Variants in TEX9 observed in about 807,000 individuals in gnomAD.
TEX9 encodes the protein testis-expressed protein 9.
A neutral mutation model predicts 59.6 loss-of-function variants in TEX9; 74 were observed. The ratio of observed to expected loss-of-function variants is 1.24; its 90% CI spans 1.03 to 1.51. TEX9 has a LOEUF of 1.51. TEX9 is among the 40% of genes most tolerant of loss of function. The probability of loss-of-function intolerance (pLI) is 0.00; values close to 1 mark genes in which losing one functional copy is unlikely to be tolerated. For synonymous variants in TEX9, 186 were observed against 152.2 expected (o/e 1.22, Z -1.64); for missense variants, 522 against 447.8 (o/e 1.17, Z -1.49).
chr15:56,265,364 G>A (rs1334208814), intron 1 of TEX9, among the ~76,000 whole-genome samples: 1 of 151,330 alleles, frequency 6.6e-6, no homozygotes, highest in Non-Finnish European at 1.5e-5. Flanking sequence ...GTAGAGACAG[G>A]GTCTCCTCCT....
chr15:56,264,936 A>T (rs1313542174), intron 1 of TEX9, among the ~76,000 whole-genome samples: 1 of 152,086 alleles, frequency 6.6e-6, no homozygotes, highest in Non-Finnish European at 1.5e-5. Flanking sequence ...CTGTATTTGG[A>T]CTGTTTGGTT....
intron 1 of TEX9, among the ~76,000 whole-genome samples, chr15:56,251,448 G>C (rs1317919573): frequency 6.6e-6 from 1 of 152,158 alleles, no homozygotes; most frequent in Non-Finnish European, 1.5e-5. Context: ...CGGCTAGACA[G>C]TGGCTTATGA....
chr15:56,333,086 A>G (rs1380362331), intron 1 of TEX9, among the ~76,000 whole-genome samples: 26 of 152,194 alleles, frequency 1.7e-4, no homozygotes, highest in African/African-American at 6.0e-4. Flanking sequence ...AATTCCACCA[A>G]ACATTTAAAG....
intron 2 of TEX9, among the ~76,000 whole-genome samples, chr15:56,366,652 T>A (rs556408378): frequency 4.1e-4 from 63 of 152,374 alleles, no homozygotes; most frequent in African/African-American, 1.5e-3. Flanking sequence ...TTTGCCATCA[T>A]ACATACCCTT....
chr15:56,390,828 T>C (rs2048173712), intron 6 of TEX9, among the ~76,000 whole-genome samples: 2 of 152,058 alleles, frequency 1.3e-5, no homozygotes, highest in Non-Finnish European at 1.5e-5. Flanking sequence ...ACAGTTTTTC[T>C]CTAGAAGCGT....
chr15:56,423,949 T>TA (rs1388294874), intron 10 of TEX9, among the ~76,000 whole-genome samples: 81 of 152,226 alleles, frequency 5.3e-4, no homozygotes, highest in African/African-American at 1.8e-3. Context: ...GAGTCCATTA[T>TA]ATCCTTCTTA....
intron 12 of TEX9, chr15:56,443,429 CT>C: frequency 6.4e-7 from 1 of 1,558,268 alleles, no homozygotes; most frequent in Non-Finnish European, 8.6e-7. Context: ...CTGAAACTTA[CT>C]TTTAGCTTGC....
chr15:56,334,312 C>T (rs1305644168), intron 1 of TEX9, among the ~76,000 whole-genome samples: 1 of 152,068 alleles, frequency 6.6e-6, no homozygotes, highest in Admixed American at 6.6e-5. Flanking sequence ...AAGACAGACA[C>T]ATAGACCAGT....
intron 1 of TEX9, among the ~76,000 whole-genome samples, chr15:56,259,593 A>G (rs1280261218): frequency 2.6e-5 from 4 of 152,092 alleles, no homozygotes; most frequent in South Asian, 2.1e-4. Context: ...CCCTTTTGGT[A>G]TACGTATCTA....
intron 1 of TEX9, among the ~76,000 whole-genome samples, chr15:56,247,475 G>A (rs1162247423): frequency 6.6e-6 from 1 of 152,190 alleles, no homozygotes; most frequent in Non-Finnish European, 1.5e-5. Context: ...AGTAGGCAGA[G>A]CAACAGAGGG....
chr15:56,260,695 T>C lies in TEX9; in HGVS notation c.-107+16417T>C, dbSNP rs1340703383. Among the ~76,000 whole-genome samples the C allele has an allele frequency of 2.0e-5, 3 of 152,034 alleles. No homozygotes were observed. The East Asian group carries it at 5.8e-4, about 29-fold the overall frequency. ...CCCTATGTTCGTAAGAATTATTAGC[T>C]TGTAACTTTCTTGTATTATAATATC... is the stretch of plus-strand genomic sequence containing the variant. On this transcript the variant is annotated intron_variant, in intron 1 of 5. Coordinates refer to the TEX9 transcript ENST00000560827.
chr15:56,271,085 A>G (rs1394850968), intron 1 of TEX9, among the ~76,000 whole-genome samples: 2 of 151,616 alleles, frequency 1.3e-5, no homozygotes, highest in South Asian at 4.2e-4. Flanking sequence ...CTTCATTTCA[A>G]CCTTGGTGAA....
intron 12 of TEX9, among the ~76,000 whole-genome samples, chr15:56,439,720 A>G (rs1170260444): frequency 2.6e-5 from 4 of 151,712 alleles, no homozygotes; most frequent in Non-Finnish European, 4.4e-5. Context: ...CTCAAAACAG[A>G]TCACAGATTG....
chr15:56,330,271 A>C (rs2046113061), intron 1 of TEX9, among the ~76,000 whole-genome samples: 1 of 152,208 alleles, frequency 6.6e-6, no homozygotes. Flanking sequence ...GCTCTATAAG[A>C]AATGCTAAAG....
intron 1 of TEX9, among the ~76,000 whole-genome samples, chr15:56,329,395 A>G (rs570016440): frequency 6.6e-6 from 1 of 152,300 alleles, no homozygotes; most frequent in East Asian, 1.9e-4. Flanking sequence ...ATCAACAAAC[A>G]TCAAGACCAT....
At chr15:56,248,031 C>T (rs1222641935) in intron 1 of TEX9, among the ~76,000 whole-genome samples, 1 of 152,178 alleles carries the variant, frequency 6.6e-6, no homozygotes, top group Admixed American at 6.5e-5. Flanking sequence ...TAATTTCTTT[C>T]AGCTAAGCTG....
intron 1 of TEX9, among the ~76,000 whole-genome samples, chr15:56,355,507 T>C (rs892193533): frequency 2.0e-5 from 3 of 152,198 alleles, no homozygotes; most frequent in African/African-American, 7.2e-5. Flanking sequence ...CACTAAACCA[T>C]CTTAATTACT....
chr15:56,287,911 A>T (rs1257786703), intron 1 of TEX9, among the ~76,000 whole-genome samples: 3 of 152,062 alleles, frequency 2.0e-5, no homozygotes, highest in African/African-American at 4.8e-5. Flanking sequence ...TTCTTTATCC[A>T]TTCATTCATT....
At chr15:56,408,057 A>G (rs2049162915) in intron 9 of TEX9, among the ~76,000 whole-genome samples, 1 of 152,202 alleles carries the variant, frequency 6.6e-6, no homozygotes. Flanking sequence ...AGAATCATTC[A>G]TATATCTATT....
Sources: gnomAD v4.1 joint callset for allele counts (sites outside exome capture counted in the v4.1 genomes callset) on GRCh38, gnomAD v4.1.1 for gene constraint, MANE v1.5 for transcripts, NCBI Gene and HGNC (gene_info 2026-07-23, HGNC 2026-07-21) for gene names.